Variants in RHBDD1 observed in about 807,000 individuals in gnomAD.
The protein encoded by RHBDD1 is rhomboid domain containing 1.
In RHBDD1, 38 loss-of-function variants were observed where a neutral mutation model predicts 36.3. The observed-to-expected ratio is 1.05, with a 90% CI of 0.81 to 1.37. The LOEUF (loss-of-function observed/expected upper bound fraction) is 1.37, where lower values mean the gene tolerates loss of function less well. Ranked by LOEUF, RHBDD1 falls within the 40% of genes most tolerant of loss-of-function variation. RHBDD1 has a pLI of 0.00. For synonymous variants in RHBDD1, 151 were observed against 136.5 expected (o/e 1.11, Z -0.74); for missense variants, 393 against 377.6 (o/e 1.04, Z -0.34).
At chr2:226,958,953 C>T (rs987697563) in intron 8 of RHBDD1, among the ~76,000 whole-genome samples, 1 of 152,110 alleles carries the variant, frequency 6.6e-6, no homozygotes, top group Non-Finnish European at 1.5e-5. Flanking sequence ...AAACCATACT[C>T]TGGTTAGCGC....
chr2:226,916,956 T>A (rs1239211452), intron 8 of RHBDD1, among the ~76,000 whole-genome samples: 1 of 152,188 alleles, frequency 6.6e-6, no homozygotes, highest in Non-Finnish European at 1.5e-5. Context: ...GATCTGCAGA[T>A]GAAAGCACCC....
chr2:226,886,719 A>C (rs1946244323), intron 5 of RHBDD1, among the ~76,000 whole-genome samples: 1 of 152,152 alleles, frequency 6.6e-6, no homozygotes, highest in South Asian at 2.1e-4. Context: ...TTGAGAACTA[A>C]CTCCCTAATT....
the RHBDD1 span, chr2:226,804,914 T>C: frequency 6.6e-6 from 1 of 152,130 alleles, no homozygotes; most frequent in South Asian, 2.1e-4. Flanking sequence ...TCTCCGCAAT[T>C]TGGGAGGCAG....
At chr2:226,960,310 TC>T (rs1952101115) in intron 8 of RHBDD1, among the ~76,000 whole-genome samples, 1 of 152,228 alleles carries the variant, frequency 6.6e-6, no homozygotes, top group Non-Finnish European at 1.5e-5. Flanking sequence ...CATGTATGTT[TC>T]CCTAATGAAT....
At chr2:226,849,729 AATCTGTATCTATATCTATATATCTATATC>A (rs1473185559) in intron 3 of RHBDD1, among the ~76,000 whole-genome samples, 3 of 152,136 alleles carry the variant, frequency 2.0e-5, no homozygotes, top group Non-Finnish European at 4.4e-5. Context: ...ATATCTATAT[AATCTGTATCTATATCTATATATCTATATC>A]ATCTGTATCT....
chr2:226,958,740 GTGT>G (rs1951966172), intron 8 of RHBDD1, among the ~76,000 whole-genome samples: 1 of 150,282 alleles, frequency 6.7e-6, no homozygotes, highest in East Asian at 1.9e-4. Context: ...GTGTGTGTGT[GTGT>G]GTAAATCTGG....
At chr2:226,824,112 C>A in the RHBDD1 span, among the ~76,000 whole-genome samples, 1 of 151,982 alleles carries the variant, frequency 6.6e-6, no homozygotes, top group African/African-American at 2.4e-5. Flanking sequence ...ATATATATAT[C>A]CATATACACA....
chr2:226,819,391 A>G, the RHBDD1 span, among the ~76,000 whole-genome samples: 6 of 152,244 alleles, frequency 3.9e-5, no homozygotes, highest in African/African-American at 1.2e-4. Context: ...AAGGAAAGAT[A>G]CTGCTTAAGA....
intron 8 of RHBDD1, among the ~76,000 whole-genome samples, chr2:226,933,440 G>A (rs141104084): frequency 6.6e-6 from 1 of 152,142 alleles, no homozygotes; most frequent in Non-Finnish European, 1.5e-5. Flanking sequence ...CCTGAAAGTG[G>A]GTGTGAATTT....
intron 5 of RHBDD1, among the ~76,000 whole-genome samples, chr2:226,900,580 A>G (rs533347346): frequency 1.3e-5 from 2 of 152,198 alleles, no homozygotes; most frequent in African/African-American, 2.4e-5. Context: ...TTAATTGAAC[A>G]TATATTTTGT....
intron 8 of RHBDD1, among the ~76,000 whole-genome samples, chr2:226,936,008 C>T (rs921607196): frequency 9.2e-5 from 14 of 152,190 alleles, no homozygotes; most frequent in Middle Eastern, 3.4e-3. Context: ...CAGAGATGTA[C>T]GACTAATTCT....
At chr2:226,923,958 C>G (rs1949502653) in intron 8 of RHBDD1, among the ~76,000 whole-genome samples, 1 of 152,090 alleles carries the variant, frequency 6.6e-6, no homozygotes, top group African/African-American at 2.4e-5. Flanking sequence ...GAGCCAAGGC[C>G]TGGAATCAGG....
chr2:226,806,490 G>T, the RHBDD1 span, among the ~76,000 whole-genome samples: 2 of 152,106 alleles, frequency 1.3e-5, no homozygotes, highest in African/African-American at 4.8e-5. Context: ...GAAGACATTA[G>T]GAAATATATG....
At chr2:226,890,209 C>G (rs1336761008) in intron 5 of RHBDD1, among the ~76,000 whole-genome samples, 2 of 152,154 alleles carry the variant, frequency 1.3e-5, no homozygotes, top group African/African-American at 4.8e-5. Context: ...CTTTAAAAGA[C>G]CTAATAAGTG....
At chr2:226,856,248 A>G (rs1466297663) in intron 3 of RHBDD1, among the ~76,000 whole-genome samples, 1 of 152,236 alleles carries the variant, frequency 6.6e-6, no homozygotes, top group Non-Finnish European at 1.5e-5. Context: ...GCATATAGCA[A>G]AGCTTTTTGA....
intron 5 of RHBDD1, among the ~76,000 whole-genome samples, chr2:226,878,515 G>A (rs551765941): frequency 1.2e-4 from 19 of 152,310 alleles, no homozygotes; most frequent in African/African-American, 4.3e-4. Context: ...TGCCTTGTGA[G>A]TTGAAATGCT....
chr2:226,864,935 T>A lies in RHBDD1; in HGVS notation c.242T>A (p.Leu81Ter). The A allele has an allele frequency of 6.2e-7, 1 of 1,614,238 alleles. No homozygotes were observed. The highest frequency in any genetic ancestry group is 8.5e-7 in the Non-Finnish European group (1 of 1,180,040). ...CTTCACCATGCTGATGATTGGCATT[T>A]GTATTTCAATATGGCATCCATGCTC... The part of the protein sequence containing the change: ...SPLHHADDWH[L>*]YFNMASMLWK... The change falls in exon 4 of 9, where the codon TTG becomes TAG. Residue 81 changes from leucine (L) to a stop codon, truncating the protein, a stop_gained. Coordinates refer to ENST00000392062, the MANE Select transcript of RHBDD1 (RefSeq NM_001167608.3). LOFTEE classifies it high-confidence loss of function.
In RHBDD1 at chr2:226,864,631, T is replaced by C; in HGVS notation, c.-63T>C. On this transcript the variant is annotated 5_prime_UTR_variant, in exon 4 of 9. Transcript: ENST00000392062. ...TCAGCCGTCTGTATATCTCCCCAGATACCTGAAACTGACCACCTGAGTACG... is the reference window on the plus strand; with the variant it reads ...TCAGCCGTCTGTATATCTCCCCAGACACCTGAAACTGACCACCTGAGTACG... The C allele has an allele frequency of 7.5e-7, 1 of 1,341,456 alleles. No individual in the cohort carries two copies. The highest frequency in any genetic ancestry group is 1.0e-6 in the Non-Finnish European group (1 of 954,684). The allele number at this position is 1,341,456 out of a possible 1,614,324, so 83.1% of individuals were successfully genotyped here. A position where few individuals can be genotyped will look rare whatever the true frequency, so the allele number is the denominator to read the frequency against.
intron 3 of RHBDD1, among the ~76,000 whole-genome samples, chr2:226,861,800 G>A (rs965484806): frequency 6.6e-6 from 1 of 152,230 alleles, no homozygotes; most frequent in African/African-American, 2.4e-5. Flanking sequence ...TAGGTAAAGA[G>A]TTGAAAGTTG....
Sources: gnomAD v4.1 joint callset for allele counts (sites outside exome capture counted in the v4.1 genomes callset) on GRCh38, gnomAD v4.1.1 for gene constraint, MANE v1.5 for transcripts, NCBI Gene and HGNC (gene_info 2026-07-23, HGNC 2026-07-21) for gene names.